Variants in SERPINA4 observed in about 807,000 individuals in gnomAD.
SERPINA4 encodes kallistatin.
In SERPINA4, 24 loss-of-function variants were observed where a neutral mutation model predicts 25.4. That is an observed-to-expected ratio of 0.95 (90% CI 0.69 to 1.33). The LOEUF is 1.33. Among genes scored for constraint, SERPINA4 ranks in the 40% most tolerant of loss-of-function variants. SERPINA4 has a pLI of 0.00. For synonymous variants in SERPINA4, 242 were observed against 223.6 expected (o/e 1.08, Z -0.73); for missense variants, 553 against 535.8 (o/e 1.03, Z -0.32).
Position 94,569,578 on chromosome 14 carries a change from G to A in SERPINA4, c.1267G>A (p.Asp423Asn), listed in dbSNP as rs570853625. Residue 423 changes from aspartate to asparagine, a missense_variant, in exon 5 of 5, where the codon GAC (aspartate) becomes AAC (asparagine). Asp to Asn is a conservative substitution (Grantham distance 23, BLOSUM62 1). Transcript: ENST00000557004. Reference sequence around the variant, plus strand: ...TGTCCTCTTTCTGGGCAAGGTCGTCGACCCCACGAAACCATAGCCCTCCCA... The same window carrying A: ...TGTCCTCTTTCTGGGCAAGGTCGTCAACCCCACGAAACCATAGCCCTCCCA... Reference protein sequence around the residue: ...QSVLFLGKVVDPTKP With the variant: ...QSVLFLGKVVNPTKP The A allele has an allele frequency of 2.7e-5, 43 of 1,614,064 alleles. No homozygotes were observed. The South Asian group carries it at 4.4e-4, about 16-fold the overall frequency.
chr14:94,563,487 A>T lies in SERPINA4; in HGVS notation c.5A>T (p.His2Leu). 1 of 1,612,054 alleles carries T rather than the reference A, an allele frequency of 6.2e-7. No individual in the cohort carries two copies. Among genetic ancestry groups the T allele is most frequent in the South Asian group, 1.1e-5 (1 of 90,966 alleles). The change falls in exon 2 of 5, where the codon CAT becomes CTT. Residue 2 changes from histidine to leucine, a missense_variant. Coordinates refer to ENST00000557004, the MANE Select transcript of SERPINA4 (RefSeq NM_006215.4). ...ATAGGCCTGAGAGTGCAGAGGATGC[A>T]TCTTATCGACTACCTGCTCCTCCTG... M[H>L]LIDYLLLLLV...
intron 1 of SERPINA4, chr14:94,561,827 A>G: frequency 7.8e-7 from 1 of 1,289,848 alleles, no homozygotes; most frequent in Non-Finnish European, 1.0e-6. Flanking sequence ...TGGGGAGCTC[A>G]TGCCGGAGGG....
intron 1 of SERPINA4, 142 bp from the exon 2 acceptor site, chr14:94,563,324 G>A (rs1902083679): frequency 1.3e-6 from 1 of 788,484 alleles, no homozygotes; most frequent in Non-Finnish European, 2.1e-6. Flanking sequence ...GGTGGTGGGT[G>A]TTACATTGCC....
Position 94,563,798 on chromosome 14 carries a change from G to A in SERPINA4, c.316G>A (p.Gly106Ser), listed in dbSNP as rs1227488458. The A allele has an allele frequency of 6.2e-7, 1 of 1,614,164 alleles. No individual in the cohort carries two copies. Among genetic ancestry groups the A allele is most frequent in the Non-Finnish European group, 8.5e-7 (1 of 1,180,040 alleles). Reference protein sequence around the residue: ...HSRSQILEGLGFNLTELSESD... With the variant: ...HSRSQILEGLSFNLTELSESD... ...CCGCAGCCAGATCCTTGAGGGCCTG[G>A]GCTTCAACCTCACCGAGCTGTCTGA... Residue 106 changes from glycine to serine, a missense_variant, in exon 2 of 5, where the codon GGC (glycine) becomes AGC (serine). Gly to Ser is a moderately conservative substitution (Grantham distance 56). Coordinates refer to ENST00000557004, the MANE Select transcript of SERPINA4 (RefSeq NM_006215.4).
At chr14:94,566,864 G>T (rs994197120) in intron 2 of SERPINA4, 106 bp from the exon 3 acceptor site, 3 of 1,340,298 alleles carry the variant, frequency 2.2e-6, no homozygotes, top group Non-Finnish European at 3.1e-6. Flanking sequence ...GGCAGGATCT[G>T]GAGCGACTGT....
Position 94,569,584 on chromosome 14 carries a change from A to G in SERPINA4, c.1273A>G (p.Thr425Ala). ...CTTTCTGGGCAAGGTCGTCGACCCC[A>G]CGAAACCATAGCCCTCCCAGGGCTG... ...VLFLGKVVDP[T>A]KP The change falls in exon 5 of 5, where the codon ACG (threonine) becomes GCG (alanine). Residue 425 changes from threonine to alanine, a missense_variant. Transcript: ENST00000557004. 6.2e-7 allele frequency: 1 copy of G among 1,614,104 alleles called. No individual in the cohort carries two copies. The highest frequency in any genetic ancestry group is 8.5e-7 in the Non-Finnish European group (1 of 1,180,002).
intron 1 of SERPINA4, chr14:94,561,892 A>G (rs1296029849): frequency 3.1e-6 from 4 of 1,287,734 alleles, no homozygotes; most frequent in Non-Finnish European, 4.1e-6. Context: ...GATCCCTCCA[A>G]CTGCTGAGTG....
chr14:94,569,563 C>T lies in SERPINA4; in HGVS notation c.1252C>T (p.Leu418=). The T allele has an allele frequency of 6.2e-7, 1 of 1,614,182 alleles. No homozygotes were observed. The highest frequency in any genetic ancestry group is 8.5e-7 in the Non-Finnish European group (1 of 1,180,026). The change falls in exon 5 of 5, where the codon CTG becomes TTG. Residue 418 remains leucine (L), a synonymous_variant. Coordinates refer to ENST00000557004, the MANE Select transcript of SERPINA4 (RefSeq NM_006215.4). Reference sequence around the variant, plus strand: ...CACCAGCACCCAGAGTGTCCTCTTTCTGGGCAAGGTCGTCGACCCCACGAA... The same window carrying T: ...CACCAGCACCCAGAGTGTCCTCTTTTTGGGCAAGGTCGTCGACCCCACGAA... The part of the protein sequence containing the change: ...FSTSTQSVLF[L]GKVVDPTKP
rs776976416 is a variant in SERPINA4, at chr14:94,568,192, A to G, written c.987A>G (p.Leu329=). 1.5e-5 allele frequency: 25 copies of G among 1,614,132 alleles called. No homozygotes were observed. The South Asian group carries it at 2.0e-4, about 13-fold the overall frequency. The change falls in exon 4 of 5, where the codon TTA becomes TTG. Residue 329 remains leucine (L), a synonymous_variant. Transcript: ENST00000557004. ...TCTCCATTTCTGGCTCCTATGTATT[A>G]GATCAGATTTTGCCCAGGCTGGGCT... ...PKFSISGSYV[L]DQILPRLGFT...
At position 94,564,998 on chromosome 14, in the gene SERPINA4, C is replaced by T. The variant is rs560350655; in HGVS notation, c.649+867C>T. On this transcript the variant is annotated intron_variant, in intron 2 of 4. Coordinates refer to ENST00000557004, the MANE Select transcript of SERPINA4 (RefSeq NM_006215.4). ...TTTGCAGTGTGCAAACAACTTTGTACGGTGTGTATTAGCCAGGGTTTCATC... is the reference window on the plus strand; with the variant it reads ...TTTGCAGTGTGCAAACAACTTTGTATGGTGTGTATTAGCCAGGGTTTCATC... 1.4e-3 allele frequency among the ~76,000 whole-genome samples: 214 copies of T among 152,246 alleles called. 2 individuals carry two copies. Among genetic ancestry groups the T allele is most frequent in the African/African-American group, 4.8e-3 (200 of 41,542 alleles).
intron 3 of SERPINA4, 117 bp downstream of exon 3, chr14:94,567,360 T>C: frequency 8.7e-7 from 1 of 1,147,132 alleles, no homozygotes; most frequent in Non-Finnish European, 1.2e-6. Flanking sequence ...GAATTCTCAC[T>C]TGCTCTGAGA....
chr14:94,566,123 T>G (rs1264158334), intron 2 of SERPINA4, among the ~76,000 whole-genome samples: 1 of 152,210 alleles, frequency 6.6e-6, no homozygotes, highest in Non-Finnish European at 1.5e-5. Context: ...GTCACTTCCT[T>G]GCAAACACTC....
At chr14:94,566,869 G>A (rs1188744034) in intron 2 of SERPINA4, 101 bp from the exon 3 acceptor site, 8 of 1,379,100 alleles carry the variant, frequency 5.8e-6, no homozygotes, top group African/African-American at 1.5e-5. Context: ...GATCTGGAGC[G>A]ACTGTTTCTG....
chr14:94,562,215 C>A (rs1902050705), intron 1 of SERPINA4, among the ~76,000 whole-genome samples: 1 of 152,200 alleles, frequency 6.6e-6, no homozygotes, highest in East Asian at 1.9e-4. Context: ...TTTCCAGCTG[C>A]CACAGCAGAG....
chr14:94,567,090 A>T lies in SERPINA4; in HGVS notation c.770A>T (p.His257Leu). The change falls in exon 3 of 5, where the codon CAT (histidine) becomes CTT (leucine). Residue 257 changes from histidine (H) to leucine (L), a missense_variant. By Grantham distance (99) the His-to-Leu change is moderately conservative. Coordinates refer to ENST00000557004, the MANE Select transcript of SERPINA4 (RefSeq NM_006215.4). The stretch of plus-strand genomic sequence containing the variant: ...GACCAGGAGCATCACTGGTATCTTC[A>T]TGACAGATACTTGCCCTGCTCGGTG... ...LQDQEHHWYL[H>L]DRYLPCSVLR... 6.2e-7 allele frequency: 1 copy of T among 1,614,230 alleles called. No homozygotes were observed. The highest frequency in any genetic ancestry group is 8.5e-7 in the Non-Finnish European group (1 of 1,180,050).
intron 2 of SERPINA4, 34 bp downstream of exon 2, chr14:94,564,165 A>G (rs1299319220): frequency 6.3e-7 from 1 of 1,583,444 alleles, no homozygotes; most frequent in East Asian, 2.2e-5. Context: ...TGCTAAATCC[A>G]CACCACCGCC....
chr14:94,567,278 A>G lies in SERPINA4; in HGVS notation c.923+35A>G, dbSNP rs755378823. The G allele has an allele frequency of 5.7e-6, 9 of 1,566,528 alleles. No homozygotes were observed. The East Asian group carries it at 1.6e-4, about 27-fold the overall frequency. ...GTGCTATGGGGGCTGAATCTACAGT[A>G]CTATCCATCAAATGTAACTTTCTAA... is the stretch of plus-strand genomic sequence containing the variant. On this transcript the variant is annotated intron_variant, in intron 3 of 4. Transcript: ENST00000557004.
chr14:94,564,654 G>T (rs955247028), intron 2 of SERPINA4, among the ~76,000 whole-genome samples: 2 of 152,308 alleles, frequency 1.3e-5, no homozygotes, highest in African/African-American at 4.8e-5. Flanking sequence ...TTTATGTATT[G>T]TCTGTGGCTG....
intron 1 of SERPINA4, 146 bp from the exon 2 acceptor site, chr14:94,563,319 TG>T: frequency 1.4e-6 from 1 of 740,250 alleles, no homozygotes; most frequent in Non-Finnish European, 2.2e-6. Flanking sequence ...TGGAAGGTGG[TG>T]GGTGTTACAT....
Sources: allele counts gnomAD v4.1 joint callset (sites outside exome capture counted in the v4.1 genomes callset), GRCh38; gene constraint gnomAD v4.1.1; transcripts MANE v1.5; gene names NCBI Gene and HGNC (gene_info 2026-07-23, HGNC 2026-07-21).